NFIB: variants seen among roughly 807,000 people sequenced by gnomAD.
The protein encoded by NFIB is nuclear factor 1 B-type.
Under a neutral mutation model 61.5 loss-of-function variants are expected in NFIB, and 11 were observed. That is an observed-to-expected ratio of 0.18 (90% CI 0.11 to 0.30). The LOEUF (loss-of-function observed/expected upper bound fraction) is 0.30. Ranked by LOEUF, NFIB falls within the 10% of genes least tolerant of loss-of-function variation. NFIB has a pLI of 1.00. For missense variants in NFIB, 471 were observed against 608.9 expected (o/e 0.77, Z 2.38); for synonymous variants, 260 against 216.5 (o/e 1.20, Z -1.76).
At chr9:14,447,849 G>A in the NFIB span, among the ~76,000 whole-genome samples, 1 of 152,068 alleles carries the variant, frequency 6.6e-6, no homozygotes, top group African/African-American at 2.4e-5. Flanking sequence ...TAGGCTGAAA[G>A]TTCTTTTCTT....
the NFIB span, among the ~76,000 whole-genome samples, chr9:14,443,346 C>T: frequency 1.3e-5 from 2 of 152,136 alleles, no homozygotes; most frequent in Non-Finnish European, 2.9e-5. Context: ...TCTCAAAAAA[C>T]ATGATGCCAT....
the NFIB span, among the ~76,000 whole-genome samples, chr9:14,418,697 A>G: frequency 6.6e-6 from 1 of 152,194 alleles, no homozygotes; most frequent in Non-Finnish European, 1.5e-5. Flanking sequence ...GAAAACGTGC[A>G]GCTTACATGA....
intron 2 of NFIB, among the ~76,000 whole-genome samples, chr9:14,262,443 G>A (rs2056842390): frequency 6.6e-6 from 1 of 152,112 alleles, no homozygotes; most frequent in South Asian, 2.1e-4. Context: ...GTTCATAAAG[G>A]CAGCTATGAT....
chr9:14,104,417 C>T (rs937194695), intron 10 of NFIB, among the ~76,000 whole-genome samples: 4 of 151,224 alleles, frequency 2.6e-5, no homozygotes, highest in African/African-American at 9.7e-5. Flanking sequence ...AAATTGTCTT[C>T]TGTTTTTTTT....
chr9:14,330,420 A>AT (rs796925014), intron 1 of NFIB, among the ~76,000 whole-genome samples: 19 of 151,734 alleles, frequency 1.3e-4, no homozygotes, highest in African/African-American at 3.4e-4. Flanking sequence ...GCAACCAAGC[A>AT]TTTTTTTTTA....
chr9:14,477,934 G>C, the NFIB span, among the ~76,000 whole-genome samples: 2 of 152,096 alleles, frequency 1.3e-5, no homozygotes, highest in Admixed American at 1.3e-4. Flanking sequence ...AGACCCATAA[G>C]ATCTAGATGA....
chr9:14,136,927 A>G (rs992175029), intron 6 of NFIB, among the ~76,000 whole-genome samples: 13 of 152,170 alleles, frequency 8.5e-5, no homozygotes, highest in African/African-American at 3.1e-4. Context: ...ACCTAAATCT[A>G]TATTTTTTTT....
At chr9:14,383,818 C>T (rs2061518248) in intron 1 of NFIB, among the ~76,000 whole-genome samples, 1 of 152,216 alleles carries the variant, frequency 6.6e-6, no homozygotes, top group South Asian at 2.1e-4. Flanking sequence ...AAGGGGAGCC[C>T]ATTACAATTT....
At chr9:14,162,577 T>C (rs1010589176) in intron 3 of NFIB, among the ~76,000 whole-genome samples, 11 of 152,104 alleles carry the variant, frequency 7.2e-5, no homozygotes, top group Non-Finnish European at 1.2e-4. Flanking sequence ...ACCAGGAGTA[T>C]ACACATGCTT....
At chr9:14,441,304 G>A in the NFIB span, among the ~76,000 whole-genome samples, 1 of 152,188 alleles carries the variant, frequency 6.6e-6, no homozygotes, top group African/African-American at 2.4e-5. Context: ...ATTGAAGTTT[G>A]TGATTCTCCA....
the NFIB span, among the ~76,000 whole-genome samples, chr9:14,511,031 G>C: frequency 1.3e-5 from 2 of 152,104 alleles, no homozygotes; most frequent in African/African-American, 4.8e-5. Flanking sequence ...TCAATAAATT[G>C]GGAGGTTGAG....
chr9:14,291,930 G>A (rs558097108), intron 2 of NFIB, among the ~76,000 whole-genome samples: 85 of 152,082 alleles, frequency 5.6e-4, no homozygotes, highest in Middle Eastern at 3.4e-3. Flanking sequence ...TATTAGTTGA[G>A]TGCAATTTAG....
chr9:14,134,939 T>G (rs868388062), intron 6 of NFIB, among the ~76,000 whole-genome samples: 13 of 140,928 alleles, frequency 9.2e-5, no homozygotes, highest in African/African-American at 3.2e-4. Context: ...AAGGATATGG[T>G]AAAATGCCAT....
chr9:14,322,462 C>CCTGGCCCGCGGCGGGG (rs1326085289), intron 1 of NFIB: 1 of 230,498 alleles, frequency 4.3e-6, no homozygotes, highest in African/African-American at 2.2e-5. Context: ...CTCGGATTGG[C>CCTGGCCCGCGGCGGGG]CTGGCCCGCG....
chr9:14,279,556 T>C (rs2058232911), intron 2 of NFIB, among the ~76,000 whole-genome samples: 1 of 152,208 alleles, frequency 6.6e-6, no homozygotes, highest in Non-Finnish European at 1.5e-5. Flanking sequence ...GAGATCGATA[T>C]AATTTACTTC....
chr9:14,436,076 C>G, the NFIB span, among the ~76,000 whole-genome samples: 3 of 152,212 alleles, frequency 2.0e-5, no homozygotes, highest in Admixed American at 2.0e-4. Context: ...CTCTCTGTCT[C>G]CTCACTCAGG....
At chr9:14,425,835 T>C in the NFIB span, among the ~76,000 whole-genome samples, 23 of 152,194 alleles carry the variant, frequency 1.5e-4, no homozygotes, top group Non-Finnish European at 2.4e-4. Context: ...ATGCATTCAA[T>C]AAATGATAGT....
intron 2 of NFIB, among the ~76,000 whole-genome samples, chr9:14,219,516 A>C (rs545874679): frequency 1.3e-5 from 2 of 152,204 alleles, no homozygotes; most frequent in East Asian, 3.9e-4. Context: ...TTCTTTTCTC[A>C]AAATTACAAC....
chr9:14,284,677 CAA>C (rs967326799), intron 2 of NFIB, among the ~76,000 whole-genome samples: 66 of 152,292 alleles, frequency 4.3e-4, no homozygotes, highest in African/African-American at 1.6e-3. Flanking sequence ...TCCATTTACT[CAA>C]GTGTACATAG....
Sources: gnomAD v4.1 joint callset for allele counts (sites outside exome capture counted in the v4.1 genomes callset) on GRCh38, gnomAD v4.1.1 for gene constraint, MANE v1.5 for transcripts, NCBI Gene and HGNC (gene_info 2026-07-23, HGNC 2026-07-21) for gene names.